The following SCFD1 variants were observed in gnomAD, a reference collection of about 807,000 sequenced individuals.
The protein encoded by SCFD1 is sec1 family domain-containing protein 1.
Under a neutral mutation model 103.2 loss-of-function variants are expected in SCFD1, and 37 were observed. That is an observed-to-expected ratio of 0.36 (90% CI 0.28 to 0.47). The LOEUF is 0.47. Ranked by LOEUF, SCFD1 falls within the 20% of genes least tolerant of loss-of-function variation. The pLI, the probability that SCFD1 is intolerant of heterozygous loss-of-function variation, is 1.00. For missense variants in SCFD1, 639 were observed against 761.2 expected (o/e 0.84, Z 1.89); for synonymous variants, 264 against 245.0 (o/e 1.08, Z -0.73).
intron 1 of SCFD1, among the ~76,000 whole-genome samples, chr14:30,624,124 T>C (rs897496814): frequency 6.6e-6 from 1 of 152,164 alleles, no homozygotes; most frequent in African/African-American, 2.4e-5. Flanking sequence ...CTGAAAAATC[T>C]TTATTGATCT....
chr14:30,680,666 C>T (rs1889396570), intron 14 of SCFD1, among the ~76,000 whole-genome samples: 1 of 152,178 alleles, frequency 6.6e-6, no homozygotes, highest in Non-Finnish European at 1.5e-5. Context: ...TGGTGGCATG[C>T]ACCTGTAATC....
At chr14:30,717,404 G>T (rs1892352454) in intron 20 of SCFD1, among the ~76,000 whole-genome samples, 1 of 152,102 alleles carries the variant, frequency 6.6e-6, no homozygotes, top group South Asian at 2.1e-4. Flanking sequence ...TTGAGCTCAG[G>T]AGGTTGAGGC....
rs777678067 is a variant in SCFD1 at position 30,700,169 on chromosome 14, C to T, written c.1340-19C>T. On this transcript the variant is annotated intron_variant, in intron 15 of 24. Coordinates refer to ENST00000458591, the MANE Select transcript of SCFD1 (RefSeq NM_016106.4). ...CCACAATTATGAAAATATTTTTTAA[C>T]CTCTTTTCCCCTATGCAGCAGGAAC... The T allele has an allele frequency of 3.8e-6, 6 of 1,561,224 alleles. No homozygotes were observed. The highest frequency in any genetic ancestry group is 2.3e-5 in the South Asian group (2 of 88,344).
intron 23 of SCFD1, among the ~76,000 whole-genome samples, chr14:30,725,153 C>A (rs1892955363): frequency 6.6e-6 from 1 of 152,002 alleles, no homozygotes; most frequent in Non-Finnish European, 1.5e-5. Context: ...CTTACGATTG[C>A]CCTGGCTATT....
chr14:30,677,574 A>G (rs1354898445), intron 14 of SCFD1, among the ~76,000 whole-genome samples: 2 of 152,018 alleles, frequency 1.3e-5, no homozygotes, highest in Non-Finnish European at 2.9e-5. Context: ...CAAAAGTAGC[A>G]GATAAACTGT....
chr14:30,660,158 C>T (rs1007017841), intron 10 of SCFD1, among the ~76,000 whole-genome samples: 1 of 152,122 alleles, frequency 6.6e-6, no homozygotes, highest in Non-Finnish European at 1.5e-5. Flanking sequence ...TGATATGGCT[C>T]TTAAATCTCT....
intron 14 of SCFD1, chr14:30,683,260 C>T (rs1304950170): frequency 1.9e-6 from 2 of 1,054,592 alleles, no homozygotes; most frequent in South Asian, 3.1e-5. Context: ...GATGTCCAGG[C>T]ATATGTTACC....
At chr14:30,699,728 G>A (rs35069045) in intron 15 of SCFD1, among the ~76,000 whole-genome samples, 40,588 of 151,978 alleles carry the variant, frequency 0.27, 5,898 homozygotes, top group East Asian at 0.62. Flanking sequence ...ATTTTGTTTA[G>A]CCAGCAAAGT....
intron 10 of SCFD1, chr14:30,653,850 A>C: frequency 3.9e-6 from 1 of 258,632 alleles, no homozygotes; most frequent in Non-Finnish European, 7.2e-6. Context: ...AAAGAAAACA[A>C]TTGAAGAAAA....
At chr14:30,641,221 A>G (rs1885239851) in intron 6 of SCFD1, among the ~76,000 whole-genome samples, 1 of 152,174 alleles carries the variant, frequency 6.6e-6, no homozygotes. Context: ...AAATATTCCT[A>G]AATATGATTA....
chr14:30,735,116 A>AATATT, intron 24 of SCFD1: 2 of 383,842 alleles, frequency 5.2e-6, no homozygotes, highest in South Asian at 9.8e-5. Flanking sequence ...AAATACAAAA[A>AATATT]TATATGAGAA....
At chr14:30,626,529 A>G (rs140319191) in intron 1 of SCFD1, among the ~76,000 whole-genome samples, 92 of 152,316 alleles carry the variant, frequency 6.0e-4, no homozygotes, top group South Asian at 1.2e-3. Flanking sequence ...GAAGGTTGCC[A>G]GGTGGAGGTT....
At chr14:30,720,528 A>G (rs1024789909) in intron 21 of SCFD1, among the ~76,000 whole-genome samples, 4 of 152,164 alleles carry the variant, frequency 2.6e-5, no homozygotes, top group Admixed American at 1.3e-4. Context: ...TTCCTCATCC[A>G]TGGGTTCAAC....
rs747166997 is a variant in SCFD1, at chr14:30,694,883, A to C, written c.1339+14A>C. 2 of 1,577,764 alleles carry C rather than the reference A, an allele frequency of 1.3e-6. No individual in the cohort carries two copies. The highest frequency in any genetic ancestry group is 2.4e-5 in the South Asian group (2 of 83,144). ...CAGACCCTGATGGTATGTACCAAAA[A>C]TTTGAGGTTAATGTAAGTTTCATAT... is the stretch of plus-strand genomic sequence containing the variant. On this transcript the variant is annotated intron_variant, in intron 15 of 24. Coordinates refer to ENST00000458591, the MANE Select transcript of SCFD1 (RefSeq NM_016106.4).
intron 10 of SCFD1, among the ~76,000 whole-genome samples, chr14:30,655,475 G>A (rs980291071): frequency 1.3e-5 from 2 of 152,140 alleles, no homozygotes; most frequent in Non-Finnish European, 2.9e-5. Context: ...ATGGAAATGG[G>A]GAACCACATG....
At chr14:30,654,730 T>A (rs574011708) in intron 10 of SCFD1, among the ~76,000 whole-genome samples, 1 of 152,296 alleles carries the variant, frequency 6.6e-6, no homozygotes, top group Admixed American at 6.5e-5. Context: ...GTTTATTTCT[T>A]TAAAACCTGG....
intron 14 of SCFD1, among the ~76,000 whole-genome samples, chr14:30,691,270 A>C (rs1026793805): frequency 7.9e-5 from 12 of 152,248 alleles, no homozygotes; most frequent in African/African-American, 2.7e-4. Flanking sequence ...TTGGAGAATT[A>C]AATGAGATAA....
At chr14:30,669,023 C>A (rs1314979339) in intron 10 of SCFD1, among the ~76,000 whole-genome samples, 1 of 152,064 alleles carries the variant, frequency 6.6e-6, no homozygotes, top group African/African-American at 2.4e-5. Flanking sequence ...ACTAGAAATA[C>A]CATTTGACCC....
In SCFD1 at chr14:30,674,162, G is replaced by A. The variant is rs191482938; in HGVS notation, c.1160+165G>A. ...TTGTATTTAGCTAAATGTTTAAGCC[G>A]ATTTTAGTTCCCTCTTAGATATAGG... On this transcript the variant is annotated intron_variant, in intron 13 of 24. Coordinates refer to ENST00000458591, the MANE Select transcript of SCFD1 (RefSeq NM_016106.4). Among the ~76,000 whole-genome samples, 67 of 152,210 alleles carry A rather than the reference G, an allele frequency of 4.4e-4. 1 individual carries two copies. The highest frequency in any genetic ancestry group is 1.4e-3 in the African/African-American group (58 of 41,512).
Sources: gnomAD v4.1 joint callset for allele counts (sites outside exome capture counted in the v4.1 genomes callset) on GRCh38, gnomAD v4.1.1 for gene constraint, MANE v1.5 for transcripts, NCBI Gene and HGNC (gene_info 2026-07-23, HGNC 2026-07-21) for gene names.